The following ARSG variants were observed in gnomAD, a reference collection of about 807,000 sequenced individuals.
ARSG encodes ASG.
Under a neutral mutation model 50.5 loss-of-function variants are expected in ARSG, and 37 were observed. That is an observed-to-expected ratio of 0.73 (90% CI 0.56 to 0.96). The LOEUF (loss-of-function observed/expected upper bound fraction) is 0.96, where lower values mean the gene tolerates loss of function less well. ARSG is among the 50% of genes least tolerant of loss of function. ARSG has a pLI of 0.00. For missense variants in ARSG, 629 were observed against 675.3 expected (o/e 0.93, Z 0.76); for synonymous variants, 225 against 254.6 (o/e 0.88, Z 1.11).
intron 9 of ARSG, among the ~76,000 whole-genome samples, chr17:68,388,327 T>C (rs1184972030): frequency 6.6e-6 from 1 of 152,198 alleles, no homozygotes; most frequent in African/African-American, 2.4e-5. Context: ...ATAGGATGTT[T>C]AGCAGCAGCT....
intron 2 of ARSG, among the ~76,000 whole-genome samples, chr17:68,340,027 G>A (rs919831743): frequency 6.6e-6 from 1 of 152,110 alleles, no homozygotes. Context: ...TTGCAAAAAT[G>A]GTGATTTCCT....
At chr17:68,318,054 G>T (rs995154147) in intron 2 of ARSG, among the ~76,000 whole-genome samples, 1 of 151,568 alleles carries the variant, frequency 6.6e-6, no homozygotes, top group Admixed American at 6.6e-5. Flanking sequence ...AGCTGAGATT[G>T]TGCCTTTGCA....
intron 3 of ARSG, among the ~76,000 whole-genome samples, chr17:68,344,849 T>A (rs1192197485): frequency 1.3e-5 from 2 of 152,214 alleles, no homozygotes; most frequent in Admixed American, 6.5e-5. Context: ...GCCTTGGGTG[T>A]CTGAACCGTG....
At chr17:68,340,687 C>T (rs890499195) in intron 2 of ARSG, among the ~76,000 whole-genome samples, 2 of 152,076 alleles carry the variant, frequency 1.3e-5, no homozygotes, top group African/African-American at 4.8e-5. Context: ...AGCAGATGTC[C>T]CAGACTCCCC....
At chr17:68,411,660 T>A (rs1228756227) in intron 11 of ARSG, among the ~76,000 whole-genome samples, 1 of 148,062 alleles carries the variant, frequency 6.8e-6, no homozygotes, top group Non-Finnish European at 1.5e-5. Flanking sequence ...CAGAGCTGAG[T>A]TCAATTCCTG....
At chr17:68,268,901 CA>C (rs879950263) in intron 1 of ARSG, 98,266 of 870,832 alleles carry the variant, frequency 0.11, no homozygotes, top group South Asian at 0.17. Flanking sequence ...TAAAAACAAG[CA>C]AAAAAAAAAA....
chr17:68,365,268 C>T (rs1236271713), intron 6 of ARSG, among the ~76,000 whole-genome samples: 5 of 152,134 alleles, frequency 3.3e-5, no homozygotes, highest in Admixed American at 2.0e-4. Context: ...GCCAAGATCG[C>T]GCCACTGCAC....
intron 1 of ARSG, among the ~76,000 whole-genome samples, chr17:68,297,037 C>T (rs868943921): frequency 3.9e-5 from 6 of 152,094 alleles, no homozygotes; most frequent in South Asian, 2.1e-4. Flanking sequence ...GGGCCGGGTG[C>T]CGGAATTATG....
At chr17:68,264,362 A>T (rs1291926089) in intron 1 of ARSG, among the ~76,000 whole-genome samples, 1 of 152,348 alleles carries the variant, frequency 6.6e-6, no homozygotes, top group East Asian at 1.9e-4. Context: ...TGGAGTATAA[A>T]ATGTATAACT....
intron 9 of ARSG, among the ~76,000 whole-genome samples, chr17:68,392,186 A>T (rs908585703): frequency 1.3e-5 from 2 of 152,208 alleles, no homozygotes; most frequent in African/African-American, 4.8e-5. Flanking sequence ...GCATTAGCTC[A>T]GCCCTCCTGG....
downstream of ARSG, chr17:68,427,111 C>T (rs1346074294): frequency 6.3e-7 from 1 of 1,588,728 alleles, no homozygotes; most frequent in South Asian, 1.1e-5. Flanking sequence ...GAGATGCTCC[C>T]CTGTTGGCCC....
chr17:68,404,784 G>C (rs568171707), intron 11 of ARSG, among the ~76,000 whole-genome samples: 20 of 152,230 alleles, frequency 1.3e-4, no homozygotes, highest in Non-Finnish European at 2.6e-4. Flanking sequence ...TGAAGATTTT[G>C]TCATATTTTT....
intron 1 of ARSG, chr17:68,269,446 T>G: frequency 7.8e-7 from 1 of 1,278,832 alleles, no homozygotes; most frequent in Non-Finnish European, 1.1e-6. Context: ...TTCACTGCCT[T>G]CCTTGTTTTC....
At chr17:68,360,411 G>A (rs748864223) in intron 6 of ARSG, among the ~76,000 whole-genome samples, 2 of 152,210 alleles carry the variant, frequency 1.3e-5, no homozygotes, top group Admixed American at 1.3e-4. Flanking sequence ...AAAACCACCA[G>A]CTGTCCCTAG....
intron 1 of ARSG, among the ~76,000 whole-genome samples, chr17:68,294,202 G>C (rs2076125338): frequency 6.6e-6 from 1 of 152,148 alleles, no homozygotes; most frequent in African/African-American, 2.4e-5. Flanking sequence ...CAGTGGGCAA[G>C]ACCATCATGA....
intron 10 of ARSG, chr17:68,401,054 T>A (rs1482415972): frequency 7.2e-6 from 2 of 276,052 alleles, no homozygotes; most frequent in Non-Finnish European, 1.4e-5. Context: ...GACAGGATCT[T>A]GCTCTATCAC....
At chr17:68,272,157 C>T (rs1449601659) in intron 1 of ARSG, among the ~76,000 whole-genome samples, 3 of 152,178 alleles carry the variant, frequency 2.0e-5, no homozygotes, top group African/African-American at 4.8e-5. Flanking sequence ...AGGCTGGTCT[C>T]GATCACCTGA....
At chr17:68,314,353 C>A (rs1185592749) in intron 2 of ARSG, among the ~76,000 whole-genome samples, 1 of 151,806 alleles carries the variant, frequency 6.6e-6, no homozygotes, top group Non-Finnish European at 1.5e-5. Flanking sequence ...AAGAAGAAAC[C>A]CCATCTCTAC....
Position 68,319,329 on chromosome 17 carries a change from G to C in ARSG, c.218+11618G>C, listed in dbSNP as rs782062074. ...CCTGACTTCTCTTTGTAAGCTCTCG[G>C]CATGGTGGGACAGGCGACTTTATGT... On this transcript the variant is annotated intron_variant, in intron 2 of 11. Coordinates refer to ENST00000621439, the MANE Select transcript of ARSG (RefSeq NM_001267727.2). Among the ~76,000 whole-genome samples, 7 of 152,148 alleles carry C rather than the reference G, an allele frequency of 4.6e-5. 1 individual carries two copies. Among genetic ancestry groups the C allele is most frequent in the Non-Finnish European group, 8.8e-5 (6 of 68,022 alleles).
Sources: gnomAD v4.1 joint callset for allele counts (sites outside exome capture counted in the v4.1 genomes callset) on GRCh38, gnomAD v4.1.1 for gene constraint, MANE v1.5 for transcripts, NCBI Gene and HGNC (gene_info 2026-07-23, HGNC 2026-07-21) for gene names.